The following TRAPPC9 variants were observed in gnomAD, a reference collection of about 807,000 sequenced individuals.
TRAPPC9 encodes the protein IKK2 binding protein.
A neutral mutation model predicts 124.0 loss-of-function variants in TRAPPC9; 83 were observed. The observed-to-expected ratio is 0.67, with a 90% confidence interval of 0.56 to 0.80. The LOEUF (loss-of-function observed/expected upper bound fraction) is 0.80. Among genes scored for constraint, TRAPPC9 ranks in the 30% least tolerant of loss-of-function variants. TRAPPC9 has a pLI of 0.00. For synonymous variants in TRAPPC9, 638 were observed against 617.5 expected, an observed-to-expected ratio of 1.03 and a Z score of -0.49; for missense variants, 1,302 against 1,508.3, an observed-to-expected ratio of 0.86 and a Z score of 2.27.
intron 17 of TRAPPC9, among the ~76,000 whole-genome samples, chr8:140,034,975 G>A (rs540027531): frequency 1.1e-4 from 17 of 152,352 alleles, no homozygotes; most frequent in African/African-American, 3.6e-4. Context: ...CACAGCTGCC[G>A]CGCCATGAGG....
intron 14 of TRAPPC9, 21 bp downstream of exon 14, chr8:140,283,868 T>G: frequency 1.2e-6 from 2 of 1,613,828 alleles, no homozygotes; most frequent in South Asian, 2.2e-5. Context: ...CACTCTGCTC[T>G]GTGACCCTCG....
intron 9 of TRAPPC9, among the ~76,000 whole-genome samples, chr8:140,312,690 A>G (rs770623997): frequency 2.0e-5 from 3 of 152,046 alleles, no homozygotes; most frequent in Non-Finnish European, 4.4e-5. Flanking sequence ...GAGCTCAGGC[A>G]CATGTATTAA....
chr8:140,239,278 G>A (rs920621007), intron 16 of TRAPPC9, among the ~76,000 whole-genome samples: 2 of 152,214 alleles, frequency 1.3e-5, no homozygotes, highest in African/African-American at 4.8e-5. Flanking sequence ...TGAGCTGCAT[G>A]AGCACATGAG....
At chr8:139,816,117 G>A (rs1006809090) in intron 21 of TRAPPC9, among the ~76,000 whole-genome samples, 9 of 152,222 alleles carry the variant, frequency 5.9e-5, no homozygotes, top group East Asian at 1.9e-4. Context: ...TGGGAGAACC[G>A]CAGGGCACCA....
chr8:140,295,314 C>T (rs112295366), intron 11 of TRAPPC9, among the ~76,000 whole-genome samples: 5,943 of 152,270 alleles, frequency 0.039, 374 homozygotes, highest in African/African-American at 0.13. Flanking sequence ...AACCACCCTC[C>T]GTGTCAGCTT....
chr8:140,127,523 T>A (rs1295260911), intron 17 of TRAPPC9, among the ~76,000 whole-genome samples: 3 of 152,236 alleles, frequency 2.0e-5, no homozygotes, highest in Admixed American at 6.5e-5. Context: ...GGTTGGTACC[T>A]GGCATGGAGC....
intron 19 of TRAPPC9, among the ~76,000 whole-genome samples, chr8:139,977,392 C>T (rs991945687): frequency 7.2e-5 from 11 of 151,894 alleles, no homozygotes; most frequent in African/African-American, 1.7e-4. Flanking sequence ...GAGGCCGAGG[C>T]GGGTGGATCA....
At position 140,023,931 on chromosome 8, in the gene TRAPPC9, A is replaced by G. The variant is rs774066120; in HGVS notation, c.2699+6T>C. 1 of 1,613,912 alleles carries G rather than the reference A, an allele frequency of 6.2e-7. No homozygotes were observed. The highest frequency in any genetic ancestry group is 2.2e-5 in the East Asian group (1 of 44,868). ...CAAGACGGCTGTGCGGCAGGAAGACATTTACCTGGTTGCTGGGAGGGTGCT... is the reference window on the plus strand; with the variant it reads ...CAAGACGGCTGTGCGGCAGGAAGACGTTTACCTGGTTGCTGGGAGGGTGCT... On this transcript the variant is annotated splice_donor_region_variant and intron_variant, in intron 18 of 22. Coordinates refer to ENST00000438773, the MANE Select transcript of TRAPPC9 (RefSeq NM_001160372.4).
intron 19 of TRAPPC9, among the ~76,000 whole-genome samples, chr8:139,921,618 T>A (rs1832506897): frequency 6.6e-6 from 1 of 151,550 alleles, no homozygotes. Flanking sequence ...GGTAGAGGGC[T>A]GTGGGTAGAG....
At chr8:140,442,905 C>G (rs563630726) in intron 2 of TRAPPC9, among the ~76,000 whole-genome samples, 2 of 151,860 alleles carry the variant, frequency 1.3e-5, no homozygotes, top group African/African-American at 4.8e-5. Flanking sequence ...GAGGCCGAGG[C>G]AGGCGGATCA....
At chr8:140,220,743 C>T (rs976540991) in intron 17 of TRAPPC9, among the ~76,000 whole-genome samples, 1 of 152,198 alleles carries the variant, frequency 6.6e-6, no homozygotes, top group Non-Finnish European at 1.5e-5. Context: ...CTAACCAGTC[C>T]CTGCCCTCTT....
At chr8:139,953,947 G>A (rs529786587) in intron 19 of TRAPPC9, among the ~76,000 whole-genome samples, 7 of 152,288 alleles carry the variant, frequency 4.6e-5, no homozygotes, top group South Asian at 2.1e-4. Context: ...TGCTGCAGAC[G>A]ATGTAGAGAA....
At chr8:139,888,396 G>A (rs1830142807) in intron 20 of TRAPPC9, among the ~76,000 whole-genome samples, 1 of 152,218 alleles carries the variant, frequency 6.6e-6, no homozygotes. Context: ...CATGCTAGCA[G>A]TGCTAACTTC....
At chr8:139,756,683 G>A (rs1262662229) in intron 21 of TRAPPC9, among the ~76,000 whole-genome samples, 124 of 73,436 alleles carry the variant, frequency 1.7e-3, no homozygotes, top group South Asian at 4.3e-3. Context: ...TGAGGACAGT[G>A]TGTCGCAGGA....
chr8:139,844,529 G>A (rs918754779), intron 21 of TRAPPC9, among the ~76,000 whole-genome samples: 6 of 152,256 alleles, frequency 3.9e-5, no homozygotes, highest in Non-Finnish European at 8.8e-5. Flanking sequence ...TGTGCAGGGC[G>A]GGCAGTGGGT....
At chr8:140,028,473 G>A (rs545499923) in intron 17 of TRAPPC9, among the ~76,000 whole-genome samples, 1 of 152,212 alleles carries the variant, frequency 6.6e-6, no homozygotes, top group Non-Finnish European at 1.5e-5. Flanking sequence ...ACAGTCATGA[G>A]AGCCCCACAA....
intron 17 of TRAPPC9, among the ~76,000 whole-genome samples, chr8:140,129,709 T>C (rs1223537863): frequency 6.6e-6 from 1 of 150,422 alleles, no homozygotes; most frequent in Admixed American, 6.6e-5. Context: ...GCCAGCTTTC[T>C]CCCCAAGAGA....
At chr8:139,978,645 T>C (rs1294118006) in intron 19 of TRAPPC9, among the ~76,000 whole-genome samples, 1 of 152,092 alleles carries the variant, frequency 6.6e-6, no homozygotes, top group African/African-American at 2.4e-5. Context: ...GATGGTGCCT[T>C]CTGTGTATGT....
At chr8:140,375,534 G>C (rs114029398) in intron 7 of TRAPPC9, among the ~76,000 whole-genome samples, 1,736 of 152,288 alleles carry the variant, frequency 0.011, 36 homozygotes, top group African/African-American at 0.04. Context: ...GAGGAATACA[G>C]CCTGGAGCTG....
Sources: allele counts gnomAD v4.1 joint callset (sites outside exome capture counted in the v4.1 genomes callset), GRCh38; gene constraint gnomAD v4.1.1; transcripts MANE v1.5; gene names NCBI Gene and HGNC (gene_info 2026-07-23, HGNC 2026-07-21).